The following MDGA2 variants were observed in gnomAD, a reference collection of about 807,000 sequenced individuals.
MDGA2 encodes the protein MAM domain-containing glycosylphosphatidylinositol anchor protein 2.
MDGA2 carries 40 observed loss-of-function variants against 117.8 expected under a neutral mutation model. The ratio of observed to expected loss-of-function variants is 0.34; its 90% CI spans 0.26 to 0.44. MDGA2 has a LOEUF of 0.44. Among genes scored for constraint, MDGA2 ranks in the 20% least tolerant of loss-of-function variants. The pLI, the probability that MDGA2 is intolerant of heterozygous loss-of-function variation, is 1.00. For missense variants in MDGA2, 1,123 were observed against 1,250.6 expected, an observed-to-expected ratio of 0.90 and a Z score of 1.54; for synonymous variants, 452 against 439.0, an observed-to-expected ratio of 1.03 and a Z score of -0.37.
At chr14:47,380,717 T>A (rs145226456) in intron 1 of MDGA2, among the ~76,000 whole-genome samples, 4,688 of 151,952 alleles carry the variant, frequency 0.031, 265 homozygotes, top group African/African-American at 0.11. Flanking sequence ...AGGCAATAAT[T>A]AATAGCCTAC....
chr14:47,141,122 A>G (rs932990895), intron 4 of MDGA2, among the ~76,000 whole-genome samples: 1 of 152,162 alleles, frequency 6.6e-6, no homozygotes, highest in East Asian at 1.9e-4. Flanking sequence ...TTAGAATGCT[A>G]TTATCAAAAG....
At position 46,994,269 on chromosome 14, in the gene MDGA2, T is replaced by G. The variant is rs537676014; in HGVS notation, c.1820-36626A>C. On this transcript the variant is annotated intron_variant, in intron 8 of 16. Transcript: ENST00000399232. ...AGCTCTGCCCTATATGACTCTTCCT[T>G]TGGCTGATTTTAGTCTGTATTCTTC... Among the ~76,000 whole-genome samples, 14 of 152,232 alleles carry G rather than the reference T, an allele frequency of 9.2e-5. No individual in the cohort carries two copies. The South Asian group carries it at 2.3e-3, about 25-fold the overall frequency.
At chr14:47,653,857 C>A (rs570757047) in intron 1 of MDGA2, among the ~76,000 whole-genome samples, 1 of 152,234 alleles carries the variant, frequency 6.6e-6, no homozygotes, top group East Asian at 1.9e-4. Context: ...CAAGCCAAGA[C>A]ATAAAAGGAG....
chr14:46,914,733 G>T (rs1049213259), intron 10 of MDGA2, among the ~76,000 whole-genome samples: 6 of 152,022 alleles, frequency 3.9e-5, no homozygotes, highest in South Asian at 2.1e-4. Context: ...TTAAAGAATC[G>T]AATTTGTTTT....
intron 2 of MDGA2, among the ~76,000 whole-genome samples, chr14:47,268,631 T>C (rs187087679): frequency 5.0e-4 from 76 of 152,286 alleles, no homozygotes; most frequent in Non-Finnish European, 5.9e-5. Flanking sequence ...TTTACTGTCA[T>C]ATGTCTAGAT....
At chr14:47,242,161 CCACACA>C (rs527473324) in intron 2 of MDGA2, among the ~76,000 whole-genome samples, 1 of 151,774 alleles carries the variant, frequency 6.6e-6, no homozygotes, top group African/African-American at 2.4e-5. Context: ...AACACCTTCC[CCACACA>C]CACACGCTTG....
chr14:47,626,932 G>A (rs914826742), intron 1 of MDGA2, among the ~76,000 whole-genome samples: 2 of 152,260 alleles, frequency 1.3e-5, no homozygotes, highest in African/African-American at 4.8e-5. Flanking sequence ...CCTGCACCCC[G>A]GTGCGGGATC....
intron 1 of MDGA2, among the ~76,000 whole-genome samples, chr14:47,302,296 A>G (rs1480740508): frequency 6.6e-6 from 1 of 152,184 alleles, no homozygotes; most frequent in African/African-American, 2.4e-5. Flanking sequence ...CTACATGGAA[A>G]CTTTCTGTGA....
intron 8 of MDGA2, among the ~76,000 whole-genome samples, chr14:46,995,715 A>T (rs1218522789): frequency 6.6e-6 from 1 of 152,014 alleles, no homozygotes; most frequent in Non-Finnish European, 1.5e-5. Context: ...ATCAGTTCAC[A>T]CACTTAAAAT....
Position 47,280,046 on chromosome 14 carries a change from C to T in MDGA2, c.420+21365G>A, listed in dbSNP as rs183201957. ...ATTGTCAGGCCAGGCACATGGCTCACGCCTATAATCCCATCTGAGCACTTC... is the reference window on the plus strand; with the variant it reads ...ATTGTCAGGCCAGGCACATGGCTCATGCCTATAATCCCATCTGAGCACTTC... On this transcript the variant is annotated intron_variant, in intron 2 of 16. Transcript: ENST00000399232. 1.6e-3 allele frequency among the ~76,000 whole-genome samples: 235 copies of T among 151,538 alleles called. 1 individual carries two copies. The highest frequency in any genetic ancestry group is 7.1e-3 in the South Asian group (34 of 4,802).
intron 1 of MDGA2, among the ~76,000 whole-genome samples, chr14:47,545,568 T>C (rs1895446433): frequency 6.6e-6 from 1 of 152,148 alleles, no homozygotes; most frequent in Non-Finnish European, 1.5e-5. Flanking sequence ...AGGAAAACTA[T>C]GCAGGGTTCT....
intron 1 of MDGA2, among the ~76,000 whole-genome samples, chr14:47,389,602 A>C (rs61323748): frequency 1.8e-5 from 1 of 55,846 alleles, no homozygotes; most frequent in Non-Finnish European, 4.1e-5. Context: ...ACACACACAC[A>C]CACCCACACA....
At chr14:47,282,094 T>C (rs1169279313) in intron 2 of MDGA2, among the ~76,000 whole-genome samples, 7 of 151,394 alleles carry the variant, frequency 4.6e-5, no homozygotes, top group Non-Finnish European at 5.9e-5. Context: ...ATTATTTGGA[T>C]ACCTTGAAAT....
chr14:47,467,249 T>C (rs1024826918), intron 1 of MDGA2, among the ~76,000 whole-genome samples: 1 of 152,078 alleles, frequency 6.6e-6, no homozygotes, highest in Non-Finnish European at 1.5e-5. Flanking sequence ...TTTACCCTCA[T>C]CAAAGACTAA....
chr14:47,266,684 T>G (rs1887976690), intron 2 of MDGA2, among the ~76,000 whole-genome samples: 1 of 152,168 alleles, frequency 6.6e-6, no homozygotes, highest in African/African-American at 2.4e-5. Context: ...CCTCTTAGAG[T>G]GACTGATTTC....
intron 1 of MDGA2, among the ~76,000 whole-genome samples, chr14:47,399,390 A>G (rs1045301719): frequency 4.6e-5 from 7 of 152,200 alleles, no homozygotes; most frequent in Admixed American, 3.3e-4. Flanking sequence ...GAAATAGGAA[A>G]TATCTATTTG....
intron 10 of MDGA2, among the ~76,000 whole-genome samples, chr14:46,909,454 G>A (rs865777191): frequency 7.9e-5 from 12 of 152,168 alleles, no homozygotes; most frequent in Middle Eastern, 3.4e-3. Context: ...CAGAAGCACC[G>A]TATGTCCCTT....
chr14:46,889,272 C>T (rs1882786344), intron 10 of MDGA2, among the ~76,000 whole-genome samples: 2 of 151,988 alleles, frequency 1.3e-5, no homozygotes, highest in South Asian at 4.1e-4. Flanking sequence ...AGCAAGAATT[C>T]TTCTGAGTAG....
intron 2 of MDGA2, among the ~76,000 whole-genome samples, chr14:47,291,317 G>C (rs1212211873): frequency 6.6e-6 from 1 of 152,162 alleles, no homozygotes; most frequent in Non-Finnish European, 1.5e-5. Flanking sequence ...GATAGGACTT[G>C]TGAAGAGCAA....
Sources: gnomAD v4.1 joint callset for allele counts (sites outside exome capture counted in the v4.1 genomes callset) on GRCh38, gnomAD v4.1.1 for gene constraint, MANE v1.5 for transcripts, NCBI Gene and HGNC (gene_info 2026-07-23, HGNC 2026-07-21) for gene names.